Variants in DNAAF9 observed in about 807,000 individuals in gnomAD.
DNAAF9 encodes the protein dynein axonemal assembly factor 9, also known as shulin.
Under a neutral mutation model 167.0 loss-of-function variants are expected in DNAAF9, and 90 were observed. The observed-to-expected ratio is 0.54, with a 90% confidence interval of 0.45 to 0.64. DNAAF9 has a LOEUF of 0.64. DNAAF9 is among the 30% of genes least tolerant of loss of function. The pLI, the probability that DNAAF9 is intolerant of heterozygous loss-of-function variation, is 0.00. For missense variants in DNAAF9, 1,315 were observed against 1,442.2 expected (o/e 0.91, Z 1.43); for synonymous variants, 491 against 508.8 (o/e 0.96, Z 0.47).
intron 21 of DNAAF9, among the ~76,000 whole-genome samples, chr20:3,299,638 G>A (rs193029757): frequency 1.2e-4 from 19 of 152,284 alleles, no homozygotes. Flanking sequence ...TAAAAAGACT[G>A]TCCTTTTGAC....
At chr20:3,395,434 C>T (rs919187955) in intron 1 of DNAAF9, among the ~76,000 whole-genome samples, 50 of 152,200 alleles carry the variant, frequency 3.3e-4, no homozygotes, top group Admixed American at 1.3e-4. Flanking sequence ...ATGTGCGCCA[C>T]TATGCCCAGC....
At position 3,330,673 on chromosome 20, in the gene DNAAF9, C is replaced by T; in HGVS notation, c.1073G>A (p.Ser358Asn). The change falls in exon 12 of 37, where the codon AGC becomes AAC. Residue 358 changes from serine to asparagine, a missense_variant. Ser to Asn is a conservative substitution (Grantham distance 46). This residue lies in a region of DNAAF9 where 981 missense variants were observed against 1,012.5 expected (regional missense o/e 0.97). Coordinates refer to ENST00000252032, the MANE Select transcript of DNAAF9 (RefSeq NM_001009984.3). ...TTGTTCAGTTTTCTTGGGCAGCTTG[C>T]TGTCACCACCTGTGAAAGAGGCCCA... ...ATHVPYLGGD[S>N]KLPKKTEQIR... 2 of 1,594,326 alleles carry T rather than the reference C, an allele frequency of 1.3e-6. No individual in the cohort carries two copies. The highest frequency in any genetic ancestry group is 1.3e-5 in the African/African-American group (1 of 74,294).
At chr20:3,274,221 C>T (rs888772538) in intron 29 of DNAAF9, among the ~76,000 whole-genome samples, 2 of 151,876 alleles carry the variant, frequency 1.3e-5, no homozygotes, top group Admixed American at 1.3e-4. Flanking sequence ...CGGCTGGTTG[C>T]AACCTCCATG....
chr20:3,365,564 G>C (rs1035835674), intron 6 of DNAAF9, among the ~76,000 whole-genome samples: 1 of 151,892 alleles, frequency 6.6e-6, no homozygotes, highest in African/African-American at 2.4e-5. Flanking sequence ...GCTAATTTTT[G>C]TATTTTTAGT....
intron 1 of DNAAF9, among the ~76,000 whole-genome samples, chr20:3,398,625 T>C (rs1259215309): frequency 6.6e-6 from 1 of 152,230 alleles, no homozygotes; most frequent in Admixed American, 6.5e-5. Flanking sequence ...ACTGAACAAT[T>C]CTTGAAACTT....
chr20:3,265,581 A>C (rs1434854723), intron 30 of DNAAF9, among the ~76,000 whole-genome samples: 1 of 150,850 alleles, frequency 6.6e-6, no homozygotes, highest in Non-Finnish European at 1.5e-5. Flanking sequence ...TCTCAGAAAA[A>C]AAAAAAAAAA....
chr20:3,340,807 CAGCT>C (rs1391813672), intron 9 of DNAAF9, 168 bp from the exon 10 acceptor site: 1 of 619,304 alleles, frequency 1.6e-6, no homozygotes, highest in Non-Finnish European at 2.9e-6. Context: ...AAACGGATGC[CAGCT>C]GTCTCCCTAC....
At chr20:3,270,812 CTTT>C (rs11297850) in intron 29 of DNAAF9, among the ~76,000 whole-genome samples, 209 of 138,490 alleles carry the variant, frequency 1.5e-3, no homozygotes, top group African/African-American at 4.8e-3. Context: ...CTTCCTCTAT[CTTT>C]TTTTTTTTTT....
At chr20:3,368,069 A>G (rs887946850) in intron 6 of DNAAF9, among the ~76,000 whole-genome samples, 4 of 151,474 alleles carry the variant, frequency 2.6e-5, no homozygotes, top group African/African-American at 9.7e-5. Context: ...CCTTTCAGAT[A>G]GGTTTCTCTT....
chr20:3,279,741 C>T (rs12329557), intron 28 of DNAAF9, among the ~76,000 whole-genome samples: 6,308 of 152,202 alleles, frequency 0.041, 360 homozygotes, highest in East Asian at 0.16. Flanking sequence ...GGGTTTAGGA[C>T]GGCTAAACAC....
At chr20:3,382,304 C>G (rs553062125) in intron 2 of DNAAF9, 123 bp downstream of exon 2, 1 of 745,426 alleles carries the variant, frequency 1.3e-6, no homozygotes, top group Admixed American at 2.2e-5. Context: ...TTCGGGGGAA[C>G]AAGAACTAGG....
rs143716241 is a variant in DNAAF9 at position 3,396,117 on chromosome 20, C to T, written c.83+11358G>A. 4.1e-3 allele frequency among the ~76,000 whole-genome samples: 623 copies of T among 152,354 alleles called. 8 individuals carry two copies. The highest frequency in any genetic ancestry group is 0.014 in the African/African-American group (595 of 41,578). On this transcript the variant is annotated intron_variant, in intron 1 of 36. Coordinates refer to ENST00000252032, the MANE Select transcript of DNAAF9 (RefSeq NM_001009984.3). ...TTCCACCATGATTGTGAGGCTTCCC[C>T]AGCCACGTGGAACTGTGAGTCCAAT...
intron 14 of DNAAF9, 66 bp from the exon 15 acceptor site, chr20:3,322,762 G>A (rs756903597): frequency 1.7e-5 from 20 of 1,157,494 alleles, no homozygotes; most frequent in Non-Finnish European, 2.6e-5. Context: ...CCTGTGCAGG[G>A]TACCTGCTTG....
rs368182578 is a variant in DNAAF9, at chr20:3,287,686, G to A, written c.2432C>T (p.Ala811Val). The A allele has an allele frequency of 4.9e-5, 79 of 1,614,218 alleles. 2 individuals carry two copies. In the South Asian group the frequency reaches 7.1e-4, roughly 15 times the overall value. ...CTTGCGGATGTAGGCTGACTGGCGC[G>A]CAGAGCGGTTCTGCTGGGCCTCTAG... ...SALEAQQNRS[A>V]RQSAYIRKKT... The change falls in exon 27 of 37, where the codon GCG (alanine) becomes GTG (valine). Residue 811 changes from alanine (A) to valine (V), a missense_variant. Ala to Val is a moderately conservative substitution (Grantham distance 64). This residue lies in a region of DNAAF9 where 981 missense variants were observed against 1,012.5 expected (regional missense o/e 0.97). Transcript: ENST00000252032.
At position 3,340,587 on chromosome 20, in the gene DNAAF9, G is replaced by A. The variant is rs748908660; in HGVS notation, c.898C>T (p.Leu300=). ...LFGNHSTREN[L]NAGNFNFPSE... ...GGGAAGTTAAAGTTGCCAGCATTCA[G>A]GTTTTCTCGTGTGGAGTGATTACCA... Residue 300 remains leucine (L), a synonymous_variant, in exon 10 of 37, where the codon CTG becomes TTG. Coordinates refer to ENST00000252032, the MANE Select transcript of DNAAF9 (RefSeq NM_001009984.3). 2 of 1,613,782 alleles carry A rather than the reference G, an allele frequency of 1.2e-6. No homozygotes were observed. Among genetic ancestry groups the A allele is most frequent in the South Asian group, 1.1e-5 (1 of 91,064 alleles).
chr20:3,374,991 C>T (rs555217802), intron 5 of DNAAF9, 39 bp downstream of exon 5: 1 of 1,125,066 alleles, frequency 8.9e-7, no homozygotes, highest in African/African-American at 1.5e-5. Context: ...CACACACCAC[C>T]TAAGCAAGGT....
intron 20 of DNAAF9, among the ~76,000 whole-genome samples, chr20:3,306,559 C>A (rs1369419708): frequency 6.6e-6 from 1 of 152,114 alleles, no homozygotes; most frequent in African/African-American, 2.4e-5. Context: ...AGAGATTTCC[C>A]CCAAAATCAC....
chr20:3,276,479 G>T (rs1192203404), intron 29 of DNAAF9, among the ~76,000 whole-genome samples: 1 of 152,230 alleles, frequency 6.6e-6, no homozygotes, highest in Non-Finnish European at 1.5e-5. Context: ...GAGTTGGAAG[G>T]CAGTATAAAT....
chr20:3,335,046 C>G (rs998760961), intron 10 of DNAAF9, among the ~76,000 whole-genome samples: 1 of 152,168 alleles, frequency 6.6e-6, no homozygotes, highest in African/African-American at 2.4e-5. Context: ...GACCTGAGAG[C>G]AGAAATTGCT....
Sources: gnomAD v4.1 joint callset for allele counts (sites outside exome capture counted in the v4.1 genomes callset) on GRCh38, gnomAD v4.1.1 for gene constraint, gnomAD v4.1.1 regional missense constraint, MANE v1.5 for transcripts, NCBI Gene and HGNC (gene_info 2026-07-23, HGNC 2026-07-21) for gene names.